The following LARGE1 variants were observed in gnomAD, a reference collection of about 807,000 sequenced individuals.
LARGE1 encodes the protein xylosyl- and glucuronyltransferase LARGE1.
Under a neutral mutation model 87.6 loss-of-function variants are expected in LARGE1, and 43 were observed. The observed-to-expected ratio is 0.49, with a 90% CI of 0.38 to 0.63. The LOEUF (loss-of-function observed/expected upper bound fraction) is 0.63, where lower values mean the gene tolerates loss of function less well. Among genes scored for constraint, LARGE1 ranks in the 30% least tolerant of loss-of-function variants. The probability of loss-of-function intolerance (pLI) is 0.00; values close to 1 mark genes in which losing one functional copy is unlikely to be tolerated. For missense variants in LARGE1, 802 were observed against 1,000.2 expected, an observed-to-expected ratio of 0.80 and a Z score of 2.67; for synonymous variants, 434 against 394.6, an observed-to-expected ratio of 1.10 and a Z score of -1.18.
intron 12 of LARGE1, among the ~76,000 whole-genome samples, chr22:33,283,918 A>G (rs751475461): frequency 7.2e-5 from 11 of 152,098 alleles, no homozygotes; most frequent in Non-Finnish European, 1.5e-4. Context: ...AAGGAAAAGA[A>G]AGAGAAAGAA....
intron 5 of LARGE1, among the ~76,000 whole-genome samples, chr22:33,581,029 G>A (rs1193858550): frequency 2.0e-5 from 3 of 152,146 alleles, no homozygotes; most frequent in Non-Finnish European, 4.4e-5. Context: ...AAGAATGCAT[G>A]TGCAGCATTT....
At chr22:33,867,144 G>T (rs890783592) in intron 1 of LARGE1, among the ~76,000 whole-genome samples, 1 of 152,162 alleles carries the variant, frequency 6.6e-6, no homozygotes, top group African/African-American at 2.4e-5. Flanking sequence ...TGGGCTCTGG[G>T]TGGGCCCAGA....
At chr22:33,849,683 C>T (rs1036979943) in intron 1 of LARGE1, among the ~76,000 whole-genome samples, 2 of 144,982 alleles carry the variant, frequency 1.4e-5, no homozygotes, top group African/African-American at 5.2e-5. Flanking sequence ...ACTGCAACCT[C>T]TACCTCCCAG....
At chr22:33,129,499 C>T in the LARGE1 span, among the ~76,000 whole-genome samples, 3 of 151,972 alleles carry the variant, frequency 2.0e-5, no homozygotes, top group Non-Finnish European at 2.9e-5. Flanking sequence ...ATGTAAAGCA[C>T]GTTGTGCACA....
chr22:33,303,810 G>GC (rs371839562), intron 12 of LARGE1, among the ~76,000 whole-genome samples: 1 of 146,310 alleles, frequency 6.8e-6, no homozygotes, highest in Non-Finnish European at 1.5e-5. Context: ...TTTTTAGTAG[G>GC]GGGGGGGTTT....
At chr22:33,471,974 C>T (rs976976926) in intron 6 of LARGE1, among the ~76,000 whole-genome samples, 2 of 151,988 alleles carry the variant, frequency 1.3e-5, no homozygotes, top group African/African-American at 2.4e-5. Context: ...TGTTTGAACC[C>T]GGGAGGTGGA....
intron 7 of LARGE1, among the ~76,000 whole-genome samples, chr22:33,421,321 C>T (rs1354564019): frequency 6.6e-6 from 1 of 152,178 alleles, no homozygotes; most frequent in Non-Finnish European, 1.5e-5. Context: ...AACATTAACT[C>T]CTTTTCTCCT....
At chr22:33,383,901 G>C (rs1255723356) in intron 8 of LARGE1, among the ~76,000 whole-genome samples, 1 of 152,194 alleles carries the variant, frequency 6.6e-6, no homozygotes, top group Non-Finnish European at 1.5e-5. Flanking sequence ...AGCTCTATGA[G>C]GGCAAGTGCT....
At chr22:33,182,894 T>C (rs932893056) in intron 11 of LARGE1, among the ~76,000 whole-genome samples, 1 of 152,144 alleles carries the variant, frequency 6.6e-6, no homozygotes, top group Non-Finnish European at 1.5e-5. Flanking sequence ...CTCCATGACA[T>C]TGGTCTTAGC....
chr22:33,304,382 C>T lies in LARGE1; in HGVS notation c.1577G>A (p.Arg526His), dbSNP rs536420427. ...CACGATGTGGTAGCCCACGTTGTGG[C>T]GGCTCATAAGCACCTCAGAGCCCTG... The part of the protein sequence containing the change: ...YAQGSEVLMS[R>H]HNVGYHIVYK... The change falls in exon 12 of 15, where the codon CGC (arginine) becomes CAC (histidine). Residue 526 changes from arginine to histidine, a missense_variant. Transcript: ENST00000397394. 1.9e-5 allele frequency: 30 copies of T among 1,614,232 alleles called. No homozygotes were observed. The highest frequency in any genetic ancestry group is 2.2e-5 in the East Asian group (1 of 44,880).
At chr22:33,660,072 G>A (rs2149223785) in intron 2 of LARGE1, among the ~76,000 whole-genome samples, 1 of 109,586 alleles carries the variant, frequency 9.1e-6, no homozygotes, top group South Asian at 3.2e-4. Flanking sequence ...ATGTTTTGTT[G>A]TGTGTGTGTG....
chr22:33,753,380 C>A (rs2084394188), intron 2 of LARGE1, among the ~76,000 whole-genome samples: 4 of 152,044 alleles, frequency 2.6e-5, no homozygotes, highest in Admixed American at 2.6e-4. Flanking sequence ...GCGTCACAAG[C>A]CAAGGAAAGC....
At chr22:33,447,265 G>A (rs1032517175) in intron 6 of LARGE1, among the ~76,000 whole-genome samples, 2 of 152,208 alleles carry the variant, frequency 1.3e-5, no homozygotes, top group African/African-American at 4.8e-5. Context: ...TGAGCAGGTG[G>A]AAATCAAGCA....
chr22:33,226,897 T>C (rs1925767327), intron 11 of LARGE1, among the ~76,000 whole-genome samples: 1 of 151,972 alleles, frequency 6.6e-6, no homozygotes, highest in Non-Finnish European at 1.5e-5. Context: ...GCCTGGCTAA[T>C]TTTTTGTATT....
chr22:33,150,049 A>G, the LARGE1 span, among the ~76,000 whole-genome samples: 1 of 152,150 alleles, frequency 6.6e-6, no homozygotes, highest in African/African-American at 2.4e-5. Flanking sequence ...GTAGAAATGG[A>G]CCCTTCTGGT....
At chr22:33,559,812 C>A (rs954993109) in intron 6 of LARGE1, among the ~76,000 whole-genome samples, 4 of 151,966 alleles carry the variant, frequency 2.6e-5, no homozygotes, top group Admixed American at 2.6e-4. Context: ...ACATGCTGGG[C>A]CAGAATTCTG....
chr22:33,597,338 T>A (rs1479946211), intron 5 of LARGE1, among the ~76,000 whole-genome samples: 4 of 150,118 alleles, frequency 2.7e-5, no homozygotes, highest in Non-Finnish European at 5.9e-5. Context: ...TAGAATCCTA[T>A]GATTTCATGC....
At chr22:33,486,264 G>T (rs1481906628) in intron 6 of LARGE1, among the ~76,000 whole-genome samples, 1 of 152,216 alleles carries the variant, frequency 6.6e-6, no homozygotes, top group East Asian at 1.9e-4. Flanking sequence ...TTTGTTCGAA[G>T]AGATCATACA....
In LARGE1 at chr22:33,508,537, G is replaced by A. The variant is rs117503858; in HGVS notation, c.787+56311C>T. Among the ~76,000 whole-genome samples the A allele has an allele frequency of 4.6e-3, 693 of 152,080 alleles. 8 individuals carry two copies. The highest frequency in any genetic ancestry group is 0.015 in the Admixed American group (232 of 15,274). On this transcript the variant is annotated intron_variant, in intron 6 of 14. Coordinates refer to ENST00000397394, the MANE Select transcript of LARGE1 (RefSeq NM_133642.5). ...CTTTCCTTGGTTTCTCTTCTTTCTC[G>A]CGACACTCTCACCAAATGCAGAGAA...
Sources: allele counts gnomAD v4.1 joint callset (sites outside exome capture counted in the v4.1 genomes callset), GRCh38; gene constraint gnomAD v4.1.1; transcripts MANE v1.5; gene names NCBI Gene and HGNC (gene_info 2026-07-23, HGNC 2026-07-21).